Variants in FSTL5 observed in about 807,000 individuals in gnomAD.
FSTL5 encodes follistatin-related protein 5.
FSTL5 carries 62 observed loss-of-function variants against 89.1 expected under a neutral mutation model. That is an observed-to-expected ratio of 0.70 (90% confidence interval 0.57 to 0.86). The LOEUF (loss-of-function observed/expected upper bound fraction) is 0.86, where lower values mean the gene tolerates loss of function less well. FSTL5 is among the 40% of genes least tolerant of loss of function. The pLI is 0.00. For synonymous variants in FSTL5, 383 were observed against 346.2 expected, an observed-to-expected ratio of 1.11 and a Z score of -1.18; for missense variants, 1,057 against 1,001.6, an observed-to-expected ratio of 1.06 and a Z score of -0.75.
At chr4:161,687,802 G>T (rs1737797333) in intron 6 of FSTL5, among the ~76,000 whole-genome samples, 1 of 152,192 alleles carries the variant, frequency 6.6e-6, no homozygotes, top group Non-Finnish European at 1.5e-5. Flanking sequence ...GTTATGGTTA[G>T]AATGTGTTCC....
chr4:161,436,293 T>C (rs59566130), intron 15 of FSTL5, among the ~76,000 whole-genome samples: 23,691 of 152,128 alleles, frequency 0.16, 1,992 homozygotes, highest in East Asian at 0.24. Flanking sequence ...TCTTCCTCCC[T>C]TTCTCAGGAG....
intron 4 of FSTL5, among the ~76,000 whole-genome samples, chr4:161,859,782 C>T (rs1731841268): frequency 6.6e-6 from 1 of 152,172 alleles, no homozygotes; most frequent in African/African-American, 2.4e-5. Context: ...GGATTAAGTG[C>T]TATTATGTTC....
At chr4:162,096,161 T>G (rs1730743626) in intron 2 of FSTL5, among the ~76,000 whole-genome samples, 1 of 151,904 alleles carries the variant, frequency 6.6e-6, no homozygotes, top group South Asian at 2.1e-4. Flanking sequence ...TTTGCTATCC[T>G]GAAAAAAATT....
At chr4:162,092,387 A>T (rs1730583266) in intron 2 of FSTL5, among the ~76,000 whole-genome samples, 1 of 152,180 alleles carries the variant, frequency 6.6e-6, no homozygotes. Context: ...AAGTTTACAT[A>T]ATGTTTAACC....
intron 6 of FSTL5, among the ~76,000 whole-genome samples, chr4:161,665,682 T>C (rs950475823): frequency 6.6e-6 from 1 of 152,054 alleles, no homozygotes; most frequent in South Asian, 2.1e-4. Flanking sequence ...AAATAAAAAC[T>C]GATCTTAGAA....
chr4:162,040,821 T>TAAC (rs1737923965), intron 2 of FSTL5, among the ~76,000 whole-genome samples: 1 of 150,810 alleles, frequency 6.6e-6, no homozygotes, highest in Admixed American at 6.7e-5. Context: ...TTATTTATCT[T>TAAC]TTTTTTTCAT....
intron 6 of FSTL5, among the ~76,000 whole-genome samples, chr4:161,686,305 CATATATATATATATATATATATATAT>C (rs60120837): frequency 2.8e-3 from 73 of 25,984 alleles, no homozygotes; most frequent in East Asian, 0.019. Context: ...TCTCCTTTGC[CATATATATATATATATATATATATAT>C]ATATATATAT....
intron 2 of FSTL5, among the ~76,000 whole-genome samples, chr4:162,052,842 T>C (rs917079693): frequency 2.0e-5 from 3 of 151,882 alleles, no homozygotes; most frequent in Non-Finnish European, 4.4e-5. Flanking sequence ...TTTCTAACTA[T>C]AGTCATTGTG....
intron 6 of FSTL5, among the ~76,000 whole-genome samples, chr4:161,676,118 C>A (rs1737291735): frequency 6.6e-6 from 1 of 151,968 alleles, no homozygotes; most frequent in Non-Finnish European, 1.5e-5. Flanking sequence ...ATCATAGAAA[C>A]CTTGATTAAT....
At chr4:161,631,923 T>C (rs1456657328) in intron 7 of FSTL5, among the ~76,000 whole-genome samples, 2 of 152,202 alleles carry the variant, frequency 1.3e-5, no homozygotes, top group Admixed American at 6.5e-5. Flanking sequence ...AGGTAAAGCA[T>C]TTTCCTACCA....
Position 161,600,679 on chromosome 4 carries a change from GT to G in FSTL5, c.895-13105del, listed in dbSNP as rs1446004658. ...TTAGATTTTAAACTATATTAGTCAA[GT>G]TTTGAAAGCGAATACAATTTTATTT... On this transcript the variant is annotated intron_variant, in intron 7 of 15. Coordinates refer to ENST00000306100, the MANE Select transcript of FSTL5 (RefSeq NM_020116.5). Among the ~76,000 whole-genome samples the G allele has an allele frequency of 7.9e-5, 12 of 152,170 alleles. No individual in the cohort carries two copies. In the East Asian group the frequency reaches 2.1e-3, roughly 27 times the overall value.
intron 3 of FSTL5, among the ~76,000 whole-genome samples, chr4:161,988,008 C>CA (rs1195820782): frequency 2.4e-4 from 34 of 143,090 alleles, no homozygotes; most frequent in South Asian, 6.7e-4. Flanking sequence ...ATTGAAAATA[C>CA]AAAAAAAAAT....
chr4:161,559,405 T>C (rs1267130488), intron 8 of FSTL5, among the ~76,000 whole-genome samples: 1 of 151,854 alleles, frequency 6.6e-6, no homozygotes, highest in Non-Finnish European at 1.5e-5. Context: ...TTTTTCTTAC[T>C]TTTCTTCATT....
At chr4:161,747,967 T>C (rs1051729043) in intron 6 of FSTL5, among the ~76,000 whole-genome samples, 3 of 152,138 alleles carry the variant, frequency 2.0e-5, no homozygotes, top group Non-Finnish European at 4.4e-5. Flanking sequence ...ATAACAATGG[T>C]AGATGGTGCT....
Position 162,074,584 on chromosome 4 carries a change from C to T in FSTL5, c.126+36687G>A, listed in dbSNP as rs572006754. The stretch of plus-strand genomic sequence containing the variant: ...CCTACTGTGCACTGTGGAATTGTTC[C>T]ATCATCATATGAACTTTGTGTAAGC... On this transcript the variant is annotated intron_variant, in intron 2 of 15. Transcript: ENST00000306100. Among the ~76,000 whole-genome samples the T allele has an allele frequency of 1.2e-3, 179 of 151,576 alleles. 1 individual carries two copies. Among genetic ancestry groups the T allele is most frequent in the Non-Finnish European group, 2.4e-3 (160 of 67,814 alleles).
At chr4:161,851,419 G>A (rs955838270) in intron 4 of FSTL5, among the ~76,000 whole-genome samples, 10 of 152,010 alleles carry the variant, frequency 6.6e-5, no homozygotes, top group Admixed American at 4.6e-4. Context: ...ACTACCTGAC[G>A]ACACAAACAC....
chr4:161,664,023 C>T (rs934379329), intron 6 of FSTL5, among the ~76,000 whole-genome samples: 5 of 152,174 alleles, frequency 3.3e-5, no homozygotes, highest in African/African-American at 1.2e-4. Context: ...GCCGGTGAGA[C>T]ACAGAGCAAC....
intron 8 of FSTL5, among the ~76,000 whole-genome samples, chr4:161,572,454 A>C (rs1372527799): frequency 2.6e-5 from 4 of 151,772 alleles, no homozygotes; most frequent in Non-Finnish European, 1.5e-5. Context: ...AAGCTTGCAC[A>C]CCTTCCTTCA....
chr4:161,485,216 G>A (rs1335406773), intron 12 of FSTL5, among the ~76,000 whole-genome samples: 1 of 152,190 alleles, frequency 6.6e-6, no homozygotes, highest in Non-Finnish European at 1.5e-5. Flanking sequence ...TGTACATTCT[G>A]ACCTTAATTA....
Sources: allele counts gnomAD v4.1 joint callset (sites outside exome capture counted in the v4.1 genomes callset), GRCh38; gene constraint gnomAD v4.1.1; transcripts MANE v1.5; gene names NCBI Gene and HGNC (gene_info 2026-07-23, HGNC 2026-07-21).